The following IDI1 variants were observed in gnomAD, a reference collection of about 807,000 sequenced individuals.
IDI1 encodes isopentenyl-diphosphate Delta-isomerase 1.
Under a neutral mutation model 32.9 loss-of-function variants are expected in IDI1, and 23 were observed. The ratio of observed to expected loss-of-function variants is 0.70; its 90% CI spans 0.50 to 0.99. The LOEUF is 0.99. Ranked by LOEUF, IDI1 falls within the 50% of genes least tolerant of loss-of-function variation. IDI1 has a pLI of 0.00. For synonymous variants in IDI1, 133 were observed against 128.2 expected (o/e 1.04, Z -0.25); for missense variants, 326 against 351.9 (o/e 0.93, Z 0.59).
the IDI1 span, among the ~76,000 whole-genome samples, chr10:1,054,964 T>A: frequency 6.6e-6 from 1 of 152,214 alleles, no homozygotes; most frequent in Non-Finnish European, 1.5e-5. Context: ...AGCCAAGGAA[T>A]GCCTAGACGC....
At chr10:1,056,631 G>C in the IDI1 span, 1 of 152,266 alleles carries the variant, frequency 6.6e-6, no homozygotes, top group South Asian at 2.1e-4. Flanking sequence ...CGTGACCAAG[G>C]GTGGGGGCGT....
At chr10:1,043,564 T>C (rs1479343169) in intron 2 of IDI1, 171 bp from the exon 3 acceptor site, 2 of 698,082 alleles carry the variant, frequency 2.9e-6, no homozygotes, top group African/African-American at 1.8e-5. Flanking sequence ...AGCTCTGCAC[T>C]GGGCAAGGAA....
At chr10:1,039,197 TCC>T (rs1473318924), downstream of IDI1, 1 of 147,112 alleles carries the variant, frequency 6.8e-6, no homozygotes, top group Non-Finnish European at 1.5e-5. Flanking sequence ...CCTGGACGTG[TCC>T]CCAGGGAGCA....
At chr10:1,042,838 G>T (rs949571941) in intron 3 of IDI1, 76 bp from the exon 4 acceptor site, 5 of 1,258,822 alleles carry the variant, frequency 4.0e-6, no homozygotes, top group Non-Finnish European at 5.7e-6. Flanking sequence ...AGTTTTATAA[G>T]TAACTGAAAA....
intron 4 of IDI1, 83 bp from the exon 5 acceptor site, chr10:1,041,587 CGA>C: frequency 2.9e-6 from 2 of 678,554 alleles, no homozygotes; most frequent in Non-Finnish European, 2.4e-6. Context: ...TGTATTACAG[CGA>C]TATCTCGAAC....
In IDI1 at chr10:1,041,370, C is replaced by G; in HGVS notation, c.672G>C (p.Glu224Asp). 6.2e-7 allele frequency: 1 copy of G among 1,613,628 alleles called. No individual in the cohort carries two copies. The highest frequency in any genetic ancestry group is 8.5e-7 in the Non-Finnish European group (1 of 1,179,694). ...TTGACACATAACAATAGCTTTTAAT[C>G]TCATTGGGATCTGGATTCAAAGTTA... ...KNVTLNPDPN[E>D]IKSYCYVSKE... is the part of the protein sequence containing the mutation. The change falls in exon 5 of 5, where the codon GAG becomes GAC. Residue 224 changes from glutamate to aspartate, a missense_variant. This residue lies in a region of IDI1 where 205 missense variants were observed against 273.5 expected (regional missense o/e 0.75). Coordinates refer to ENST00000381344, the MANE Select transcript of IDI1 (RefSeq NM_004508.4).
intron 1 of IDI1, among the ~76,000 whole-genome samples, chr10:1,045,498 G>A (rs1322652902): frequency 1.3e-5 from 2 of 152,150 alleles, no homozygotes; most frequent in East Asian, 1.9e-4. Flanking sequence ...AGGGAGTCTC[G>A]TTTTGTTGCC....
At chr10:1,048,722 C>T in intron 1 of IDI1, 142 bp downstream of exon 1, 1 of 1,428,934 alleles carries the variant, frequency 7.0e-7, no homozygotes, top group South Asian at 1.5e-5. Flanking sequence ...GGGAGACCAA[C>T]GCCGCCACCC....
upstream of IDI1, chr10:1,049,504 A>T (rs1412191656): frequency 1.4e-5 from 2 of 145,318 alleles, no homozygotes; most frequent in Non-Finnish European, 2.8e-5. Context: ...CTGGGACTAC[A>T]GCGTTTGGCT....
chr10:1,054,173 G>C, the IDI1 span, among the ~76,000 whole-genome samples: 1 of 152,194 alleles, frequency 6.6e-6, no homozygotes, highest in Admixed American at 6.5e-5. Flanking sequence ...CATACTGTTA[G>C]AAAGATGGTG....
chr10:1,043,528 GTC>G (rs749671556), intron 2 of IDI1, 135 bp from the exon 3 acceptor site: 1 of 715,886 alleles, frequency 1.4e-6, no homozygotes, highest in South Asian at 1.5e-5. Context: ...CACATGCATA[GTC>G]TCTGCATGGC....
chr10:1,044,249 G>T, intron 1 of IDI1, 78 bp from the exon 2 acceptor site: 1 of 1,088,558 alleles, frequency 9.2e-7, no homozygotes, highest in Non-Finnish European at 1.3e-6. Flanking sequence ...TAATAATGAT[G>T]CTGCTTCCCC....
At chr10:1,054,191 A>C in the IDI1 span, among the ~76,000 whole-genome samples, 1 of 152,204 alleles carries the variant, frequency 6.6e-6, no homozygotes, top group Non-Finnish European at 1.5e-5. Flanking sequence ...GTGCTGACAG[A>C]CTTGCTCCAT....
chr10:1,048,877 G>T lies in IDI1; in HGVS notation c.127C>A (p.Arg43=), dbSNP rs771390934. The change falls in exon 1 of 5, where the codon CGG becomes AGG. Residue 43 remains arginine, a synonymous_variant. Coordinates refer to ENST00000381344, the MANE Select transcript of IDI1 (RefSeq NM_004508.4). ...RHPGPAVVCG[R]RLISVLEQIR... ...CGTCCACAGTACCTGATCAGCCTCC[G>T]GCCACAGACAACCGCCGGTCCCGGA... is the stretch of plus-strand genomic sequence containing the variant. The T allele has an allele frequency of 2.5e-6, 4 of 1,605,824 alleles. No homozygotes were observed. The highest frequency in any genetic ancestry group is 3.4e-6 in the Non-Finnish European group (4 of 1,177,000).
chr10:1,049,470 C>CTT (rs1564489516), upstream of IDI1: 2 of 59,200 alleles, frequency 3.4e-5, no homozygotes, highest in African/African-American at 1.1e-4. Flanking sequence ...CACTCCCCCC[C>CTT]CTCCCCCCCC....
Position 1,043,789 on chromosome 10 carries a change from A to G in IDI1, c.313+210T>C, listed in dbSNP as rs544289556. ...TATGAATCCAGAATAACTCTGAAGA[A>G]GCCGAGTAACAGGCATGAAGTGAAG... On this transcript the variant is annotated intron_variant, in intron 2 of 4. Coordinates refer to ENST00000381344, the MANE Select transcript of IDI1 (RefSeq NM_004508.4). The G allele has an allele frequency of 2.1e-5, 14 of 677,776 alleles. No individual in the cohort carries two copies. The East Asian group carries it at 2.3e-4, about 11-fold the overall frequency. 42.0% of individuals were successfully genotyped at this position (677,776 alleles called of 1,614,324 possible).
rs1019809280 is a variant in IDI1, at chr10:1,040,681, C to T, written c.*506G>A. ...TCATTTAATTTCCCTTGAACCTGCT[C>T]TGCTAGTTTAATCTGCTAATATGAA... On this transcript the variant is annotated 3_prime_UTR_variant, in exon 5 of 5. Transcript: ENST00000381344. The T allele has an allele frequency of 1.3e-5, 2 of 153,410 alleles. No individual in the cohort carries two copies. The highest frequency in any genetic ancestry group is 6.5e-5 in the Admixed American group (1 of 15,476). The allele number at this position is 153,410 out of a possible 1,614,324, so 9.5% of individuals were successfully genotyped here.
At chr10:1,045,094 G>GC (rs1250793124) in intron 1 of IDI1, among the ~76,000 whole-genome samples, 2 of 152,260 alleles carry the variant, frequency 1.3e-5, no homozygotes, top group African/African-American at 4.8e-5. Context: ...GTAACAACAG[G>GC]CAGCAGGCCA....
chr10:1,041,244 C>T lies in IDI1; in HGVS notation c.798G>A (p.Trp266Ter). The change falls in exon 5 of 5, where the codon TGG (tryptophan) becomes TGA (stop). Residue 266 changes from tryptophan (W) to a stop codon, truncating the protein, a stop_gained. Transcript: ENST00000381344. LOFTEE classifies it high-confidence loss of function. ...ACTGATTCAAATGATTTAAGTTATC[C>T]CACCATTTAAAGAGAAAAGTCGCTG... ...IIAATFLFKW[W>*]DNLNHLNQFV... The T allele has an allele frequency of 1.2e-6, 2 of 1,612,040 alleles. No individual in the cohort carries two copies. The highest frequency in any genetic ancestry group is 1.7e-6 in the Non-Finnish European group (2 of 1,178,478).
Sources: allele counts gnomAD v4.1 joint callset (sites outside exome capture counted in the v4.1 genomes callset), GRCh38; gene constraint gnomAD v4.1.1; regional missense constraint gnomAD v4.1.1; transcripts MANE v1.5; gene names NCBI Gene and HGNC (gene_info 2026-07-23, HGNC 2026-07-21).